TTN: variants seen among roughly 807,000 people sequenced by gnomAD.
TTN encodes connectin.
In TTN, 1,525 loss-of-function variants were observed where a neutral mutation model predicts 3,223.0. That is an observed-to-expected ratio of 0.47 (90% CI 0.45 to 0.49). The LOEUF is 0.49. Among genes scored for constraint, TTN ranks in the 20% least tolerant of loss-of-function variants. The pLI, the probability that TTN is intolerant of heterozygous loss-of-function variation, is 0.00. For synonymous variants in TTN, 14,094 were observed against 15,161.0 expected, an observed-to-expected ratio of 0.93 and a Z score of 5.17; for missense variants, 40,786 against 43,424.0, an observed-to-expected ratio of 0.94 and a Z score of 5.40.
rs1381842230 is a variant in TTN, at chr2:178,587,675, C to T, written c.63634G>A (p.Gly21212Ser). ...PAPKVTWRKV[G>S]IDNVVRKGQV... is the part of the protein sequence containing the mutation. The stretch of plus-strand genomic sequence containing the variant: ...CCTTTTCTGACCACATTATCAATGC[C>T]AACTTTTCGCCAAGTGACTTTAGGG... Residue 21212 changes from glycine to serine, a missense_variant, in exon 306 of 363, where the codon GGC becomes AGC. By Grantham distance (56) the Gly-to-Ser change is moderately conservative. Transcript: ENST00000589042. 2 of 1,612,924 alleles carry T rather than the reference C, an allele frequency of 1.2e-6. No individual in the cohort carries two copies. The highest frequency in any genetic ancestry group is 8.5e-7 in the Non-Finnish European group (1 of 1,179,420).
chr2:178,740,135 T>C lies in TTN; in HGVS notation c.13098A>G (p.Ile4366Met). 3.1e-6 allele frequency: 5 copies of C among 1,613,870 alleles called. No homozygotes were observed. The highest frequency in any genetic ancestry group is 4.2e-6 in the Non-Finnish European group (5 of 1,179,838). The change falls in exon 48 of 363, where the codon ATA (isoleucine) becomes ATG (methionine). Residue 4366 changes from isoleucine to methionine, a missense_variant. Coordinates refer to ENST00000589042, the MANE Select transcript of TTN (RefSeq NM_001267550.2). ...IIESKREPVA[I>M]KKVQEVQGRD... is the part of the protein sequence containing the mutation. ...TTCCCTGTACCTCCTGCACTTTCTT[T>C]ATTGCCACGGGCTCTCTTTTAGACT...
Position 178,536,343 on chromosome 2 carries a change from T to C in TTN, c.100404A>G (p.Lys33468=). 1 of 1,613,782 alleles carries C rather than the reference T, an allele frequency of 6.2e-7. No individual in the cohort carries two copies. The highest frequency in any genetic ancestry group is 8.5e-7 in the Non-Finnish European group (1 of 1,179,780). The change falls in exon 357 of 363, where the codon AAA becomes AAG. Residue 33468 remains lysine, a synonymous_variant. Coordinates refer to ENST00000589042, the MANE Select transcript of TTN (RefSeq NM_001267550.2). Reference sequence around the variant, plus strand: ...CACTTTCCCCACCTAGATTTTCACATTTCACACGAAACTCGTATTCAAGAC... The same window carrying C: ...CACTTTCCCCACCTAGATTTTCACACTTCACACGAAACTCGTATTCAAGAC... ...IEGLEYEFRV[K]CENLGGESEW...
intron 127 of TTN, among the ~76,000 whole-genome samples, chr2:178,686,076 T>C (rs367850536): frequency 1.1e-4 from 16 of 151,430 alleles, no homozygotes; most frequent in East Asian, 7.8e-4. Flanking sequence ...GGCAGGAGGC[T>C]TCACATGATT....
In TTN at chr2:178,757,409, G is replaced by T. The variant is rs1415239688; in HGVS notation, c.10678+133C>A. The T allele has an allele frequency of 3.5e-6, 4 of 1,156,100 alleles. No individual in the cohort carries two copies. The African/African-American group carries it at 6.2e-5, about 18-fold the overall frequency. The allele number at this position is 1,156,100 out of a possible 1,614,324, so 71.6% of individuals were successfully genotyped here. ...AATTGAGGACCTAGCGGGAGTTATT[G>T]CATGTTATTTTATTAGTAAGTTATG... On this transcript the variant is annotated intron_variant, in intron 45 of 362. Transcript: ENST00000589042.
Position 178,559,568 on chromosome 2 carries a change from T to C in TTN, c.86564A>G (p.Gln28855Arg), listed in dbSNP as rs1383781795. Residue 28855 changes from glutamine to arginine, a missense_variant, in exon 326 of 363, where the codon CAA becomes CGA. Gln to Arg is a conservative substitution (Grantham distance 43). Coordinates refer to ENST00000589042, the MANE Select transcript of TTN (RefSeq NM_001267550.2). ...TPGPPTNITV[Q>R]DVTKESAVLS... ...CACTGCAGACTCTTTGGTTACATCT[T>C]GCACAGTAATGTTGGTTGGAGGACC... The C allele has an allele frequency of 6.2e-7, 1 of 1,613,860 alleles. No individual in the cohort carries two copies. The highest frequency in any genetic ancestry group is 1.1e-5 in the South Asian group (1 of 91,074).
intron 94 of TTN, 26 bp downstream of exon 94, chr2:178,712,671 A>AGTAATTAG (rs1233723518): frequency 3.3e-5 from 53 of 1,608,194 alleles, no homozygotes; most frequent in Non-Finnish European, 4.2e-5. Flanking sequence ...CTAATCGTAT[A>AGTAATTAG]AATCTAGAAG....
intron 90 of TTN, 102 bp downstream of exon 90, chr2:178,714,884 G>A: frequency 4.9e-6 from 7 of 1,431,400 alleles, no homozygotes; most frequent in Non-Finnish European, 6.6e-6. Flanking sequence ...AGGGAAAGTG[G>A]AATAGGCTGC....
intron 70 of TTN, 59 bp from the exon 71 acceptor site, chr2:178,725,708 G>GA: frequency 6.5e-7 from 1 of 1,547,706 alleles, no homozygotes; most frequent in Non-Finnish European, 8.7e-7. Context: ...ATGCGAGAGT[G>GA]AAAAAAGTAG....
At position 178,782,360 on chromosome 2, in the gene TTN, C is replaced by G; in HGVS notation, c.3232G>C (p.Glu1078Gln). 1.2e-6 allele frequency: 2 copies of G among 1,614,096 alleles called. No homozygotes were observed. Among genetic ancestry groups the G allele is most frequent in the Non-Finnish European group, 1.7e-6 (2 of 1,179,984 alleles). The change falls in exon 20 of 363, where the codon GAA (glutamate) becomes CAA (glutamine). Residue 1078 changes from glutamate to glutamine, a missense_variant. Transcript: ENST00000589042. ...GTAATAAAGTAAGGCGCGGCAGGTT[C>G]TCCAGGCCCTGCTTGTTCCTCTGTG... ...SLTEEQAGPGEPAAPYFITKP... is the reference protein window; with the variant it reads ...SLTEEQAGPGQPAAPYFITKP...
At position 178,563,747 on chromosome 2, in the gene TTN, G is replaced by GT; in HGVS notation, c.82384dup (p.Thr27462AsnfsTer4). 1 of 1,613,638 alleles carries GT rather than the reference G, an allele frequency of 6.2e-7. No homozygotes were observed. Among genetic ancestry groups the GT allele is most frequent in the Non-Finnish European group, 8.5e-7 (1 of 1,179,748 alleles). Reference sequence around the variant, plus strand: ...TGGTGGCTTATAAGGATTACAGGCCGTAACAGGCCCAGATTCCAAGGGCTC... The same window carrying GT: ...TGGTGGCTTATAAGGATTACAGGCCGTTAACAGGCCCAGATTCCAAGGGCTC... On this transcript the variant is annotated frameshift_variant, in exon 326 of 363. Transcript: ENST00000589042. LOFTEE classifies it high-confidence loss of function. The surrounding 1 kb of genome is among the most constrained non-coding windows in gnomAD (Gnocchi z 4.5).
In TTN at chr2:178,707,711, A is replaced by G. The variant is rs530257812; in HGVS notation, c.28856T>C (p.Ile9619Thr). ...LSCHVQGSEP[I>T]RIQWLKAGRE... The stretch of plus-strand genomic sequence containing the variant: ...GCCAGCCTTCAACCACTGGATCCTA[A>G]TTGGCTCAGATCCCTGGACATGGCA... The change falls in exon 100 of 363, where the codon ATT becomes ACT. Residue 9619 changes from isoleucine (I) to threonine (T), a missense_variant. Coordinates refer to ENST00000589042, the MANE Select transcript of TTN (RefSeq NM_001267550.2). 6.2e-7 allele frequency: 1 copy of G among 1,613,940 alleles called. No individual in the cohort carries two copies. Among genetic ancestry groups the G allele is most frequent in the East Asian group, 2.2e-5 (1 of 44,878 alleles).
intron 121 of TTN, among the ~76,000 whole-genome samples, chr2:178,690,668 A>C (rs1577475840): frequency 6.6e-6 from 1 of 152,196 alleles, no homozygotes; most frequent in Non-Finnish European, 1.5e-5. Context: ...TCTCATTTTA[A>C]ATACAATATT....
At chr2:178,624,826 T>C in intron 241 of TTN, 95 bp from the exon 242 acceptor site, 1 of 1,423,610 alleles carries the variant, frequency 7.0e-7, no homozygotes, top group South Asian at 1.3e-5. Context: ...CAGGGCTTTG[T>C]TCTGTCCTAA....
At chr2:178,724,658 G>A (rs775605452) in intron 71 of TTN, 120 bp from the exon 72 acceptor site, 79 of 998,204 alleles carry the variant, frequency 7.9e-5, no homozygotes, top group Non-Finnish European at 9.7e-5. Flanking sequence ...TCTCTCTCTC[G>A]ACTTTAAAGT....
chr2:178,607,757 A>G (rs916799008), intron 276 of TTN, 28 bp downstream of exon 276: 2 of 1,612,168 alleles, frequency 1.2e-6, no homozygotes, highest in African/African-American at 2.7e-5. Context: ...GAAAATATCC[A>G]TAATTTTATT....
Position 178,678,776 on chromosome 2 carries a change from G to A in TTN, c.33797C>T (p.Pro11266Leu), listed in dbSNP as rs2068668343. Residue 11266 changes from proline (P) to leucine (L), a missense_variant, in exon 143 of 363, where the codon CCT (proline) becomes CTT (leucine). Transcript: ENST00000589042. ...VPEEKVPVPV[P>L]KKVEAPPAKV... ...GGCAGGTGGAGCTTCCACCTTTTTA[G>A]GAACTGGTACTGGTACTTTCTCCTC... 1.2e-6 allele frequency: 2 copies of A among 1,604,416 alleles called. No individual in the cohort carries two copies. Among genetic ancestry groups the A allele is most frequent in the Non-Finnish European group, 8.5e-7 (1 of 1,176,734 alleles).
At position 178,594,119 on chromosome 2, in the gene TTN, G is replaced by C. The variant is rs727504525; in HGVS notation, c.58274C>G (p.Ala19425Gly). ...AGTGCGATCATCTTCCAGCACATCA[G>C]CTTCATCTTTGAACCAGGAAACCTT... ...KPKVSWFKDE[A>G]DVLEDDRTHI... is the part of the protein sequence containing the mutation. The change falls in exon 297 of 363, where the codon GCT becomes GGT. Residue 19425 changes from alanine (A) to glycine (G), a missense_variant. Ala to Gly is a moderately conservative substitution (Grantham distance 60). Coordinates refer to ENST00000589042, the MANE Select transcript of TTN (RefSeq NM_001267550.2). 12 of 1,613,444 alleles carry C rather than the reference G, an allele frequency of 7.4e-6. No individual in the cohort carries two copies. The highest frequency in any genetic ancestry group is 2.2e-5 in the East Asian group (1 of 44,714).
In TTN at chr2:178,617,147, C is replaced by T; in HGVS notation, c.47848G>A (p.Gly15950Ser). Reference protein sequence around the residue: ...AGVSDPSEILGPLTADDAFVE... With the variant: ...AGVSDPSEILSPLTADDAFVE... ...AATGCATCGTCAGCGGTGAGAGGAC[C>T]AAGAATTTCAGATGGATCTGAAACA... Residue 15950 changes from glycine (G) to serine (S), a missense_variant, in exon 255 of 363, where the codon GGT becomes AGT. Physicochemically the swap from Gly to Ser is moderately conservative, Grantham distance 56. Transcript: ENST00000589042. 6.2e-7 allele frequency: 1 copy of T among 1,607,878 alleles called. No homozygotes were observed. Among genetic ancestry groups the T allele is most frequent in the South Asian group, 1.1e-5 (1 of 90,168 alleles).
rs1553588235 is a variant in TTN, at chr2:178,566,434, G to A, written c.79698C>T (p.Leu26566=). Residue 26566 remains leucine, a synonymous_variant, in exon 326 of 363, where the codon CTC becomes CTT. Coordinates refer to ENST00000589042, the MANE Select transcript of TTN (RefSeq NM_001267550.2). ...TAGCCTCACCTAAACCAACTTTGTTGAGGGCACAGACTCGTATTTTATACT... is the reference window on the plus strand; with the variant it reads ...TAGCCTCACCTAAACCAACTTTGTTAAGGGCACAGACTCGTATTTTATACT... The part of the protein sequence containing the change: ...HQEYKIRVCA[L]NKVGLGEATS... 1 of 1,613,380 alleles carries A rather than the reference G, an allele frequency of 6.2e-7. No homozygotes were observed. Among genetic ancestry groups the A allele is most frequent in the East Asian group, 2.2e-5 (1 of 44,842 alleles).
Sources: gnomAD v4.1 joint callset for allele counts (sites outside exome capture counted in the v4.1 genomes callset) on GRCh38, gnomAD v4.1.1 for gene constraint, Gnocchi (gnomAD v3.1) non-coding constraint, MANE v1.5 for transcripts, NCBI Gene and HGNC (gene_info 2026-07-23, HGNC 2026-07-21) for gene names.